SASH1: variants seen among roughly 807,000 people sequenced by gnomAD.
The protein encoded by SASH1 is SAM and SH3 domain containing 1, also known as SAM and SH3 domain-containing protein 1.
In SASH1, 44 loss-of-function variants were observed where a neutral mutation model predicts 125.2. That is an observed-to-expected ratio of 0.35 (90% CI 0.28 to 0.45). The LOEUF (loss-of-function observed/expected upper bound fraction) is 0.45, where lower values mean the gene tolerates loss of function less well. SASH1 is among the 20% of genes least tolerant of loss of function. SASH1 has a pLI of 1.00. For synonymous variants in SASH1, 639 were observed against 649.1 expected (o/e 0.98, Z 0.24); for missense variants, 1,426 against 1,614.5 (o/e 0.88, Z 2.00).
At chr6:148,518,057 T>C (rs1238189018) in intron 9 of SASH1, among the ~76,000 whole-genome samples, 1 of 152,040 alleles carries the variant, frequency 6.6e-6, no homozygotes, top group African/African-American at 2.4e-5. Flanking sequence ...AAGTGGAGGG[T>C]AGACTATAAC....
chr6:148,326,335 T>TATATATATATGC (rs1554235289), intron 1 of SASH1, among the ~76,000 whole-genome samples: 1 of 67,144 alleles, frequency 1.5e-5, no homozygotes, highest in African/African-American at 5.5e-5. Flanking sequence ...TATATATATA[T>TATATATATATGC]ATATATATAT....
chr6:148,298,014 A>AT (rs200681149), intron 1 of SASH1, among the ~76,000 whole-genome samples: 4,407 of 137,892 alleles, frequency 0.032, 100 homozygotes, highest in South Asian at 0.068. Context: ...TTATATATAT[A>AT]TTTTTTTTTT....
At chr6:148,405,820 T>C (rs376754057) in intron 2 of SASH1, among the ~76,000 whole-genome samples, 5 of 152,360 alleles carry the variant, frequency 3.3e-5, no homozygotes, top group South Asian at 2.1e-4. Context: ...ATAAGTTCTG[T>C]ACTTCTGTAT....
intron 1 of SASH1, among the ~76,000 whole-genome samples, chr6:148,298,455 C>A (rs1377895196): frequency 6.6e-6 from 1 of 152,004 alleles, no homozygotes; most frequent in Non-Finnish European, 1.5e-5. Flanking sequence ...CATGGCGAGA[C>A]CCTATCTCTA....
At chr6:148,354,917 C>T (rs543920678) in intron 1 of SASH1, among the ~76,000 whole-genome samples, 1 of 152,118 alleles carries the variant, frequency 6.6e-6, no homozygotes, top group Admixed American at 6.6e-5. Context: ...ATGCCACCAC[C>T]CCCATCTGAT....
intron 2 of SASH1, among the ~76,000 whole-genome samples, chr6:148,428,506 G>A (rs150869840): frequency 0.015 from 2,326 of 151,928 alleles, 60 homozygotes; most frequent in African/African-American, 0.053. Flanking sequence ...GTACACATCT[G>A]TAATCCCAGC....
At position 148,533,076 on chromosome 6, in the gene SASH1, A is replaced by T; in HGVS notation, c.1734+110A>T. ...TGGGCTACTATGGTACAGACTGGAC[A>T]GTATCTTGGCTACCTCGATCACTGG... On this transcript the variant is annotated intron_variant, in intron 14 of 19. Transcript: ENST00000367467. The surrounding 1 kb of genome is among the most constrained non-coding windows in gnomAD (Gnocchi z 6.2). 8.2e-7 allele frequency: 1 copy of T among 1,216,158 alleles called. No homozygotes were observed. Among genetic ancestry groups the T allele is most frequent in the Non-Finnish European group, 1.2e-6 (1 of 850,398 alleles). The allele number at this position is 1,216,158 out of a possible 1,614,324, so 75.3% of individuals were successfully genotyped here. A position where few individuals can be genotyped will look rare whatever the true frequency, so the allele number is the denominator to read the frequency against.
intron 8 of SASH1, chr6:148,513,537 T>C: frequency 4.1e-6 from 4 of 985,506 alleles, no homozygotes; most frequent in Non-Finnish European, 4.8e-6. Flanking sequence ...CCTGGGTCAC[T>C]GCTGCAGAGA....
chr6:148,409,582 AAG>A (rs1229756059), intron 2 of SASH1, among the ~76,000 whole-genome samples: 2 of 152,188 alleles, frequency 1.3e-5, no homozygotes, highest in African/African-American at 4.8e-5. Context: ...AGACAACAGA[AAG>A]AGATTTTCTT....
chr6:148,450,221 C>T (rs1008209108), intron 4 of SASH1, among the ~76,000 whole-genome samples: 19 of 152,186 alleles, frequency 1.2e-4, no homozygotes, highest in African/African-American at 4.1e-4. Context: ...TACACTCAGG[C>T]CACATCTCAT....
the SASH1 span, among the ~76,000 whole-genome samples, chr6:148,262,848 G>C: frequency 3.3e-5 from 5 of 152,160 alleles, no homozygotes; most frequent in Admixed American, 3.3e-4. Context: ...GCTCCAGCCT[G>C]GGTGACAAGA....
At chr6:148,421,167 AAGAAAGAAAGAAAGAAAG>A (rs1346932242) in intron 2 of SASH1, among the ~76,000 whole-genome samples, 1 of 125,616 alleles carries the variant, frequency 8.0e-6, no homozygotes, top group African/African-American at 2.9e-5. Context: ...GAAAGAAAGA[AAGAAAGAAAGAAAGAAAG>A]AAAGAAAGAA....
rs549750606 is a variant in SASH1 at position 148,440,354 on chromosome 6, G to C, written c.337-4G>C. Reference sequence around the variant, plus strand: ...ACACTGACTATACGAATCTTCTCTCGTAGGAGTCGCTTGGCTTCTGTAGCG... The same window carrying C: ...ACACTGACTATACGAATCTTCTCTCCTAGGAGTCGCTTGGCTTCTGTAGCG... On this transcript the variant is annotated splice_region_variant and splice_polypyrimidine_tract_variant and intron_variant, in intron 3 of 19. Coordinates refer to ENST00000367467, the MANE Select transcript of SASH1 (RefSeq NM_015278.5). The C allele has an allele frequency of 1.2e-6, 2 of 1,613,556 alleles. No homozygotes were observed. The highest frequency in any genetic ancestry group is 1.7e-6 in the Non-Finnish European group (2 of 1,179,824).
intron 8 of SASH1, among the ~76,000 whole-genome samples, chr6:148,490,063 AAATAATAATAAT>A (rs60004034): frequency 7.5e-6 from 1 of 132,704 alleles, no homozygotes; most frequent in Non-Finnish European, 1.7e-5. Flanking sequence ...CTTCTGCAAA[AAATAATAATAAT>A]AATAATAATA....
intron 7 of SASH1, among the ~76,000 whole-genome samples, chr6:148,483,253 G>A (rs920217622): frequency 1.3e-5 from 2 of 152,124 alleles, no homozygotes; most frequent in African/African-American, 4.8e-5. Flanking sequence ...AAGAGGGAGA[G>A]GGGAGGTGCC....
intron 1 of SASH1, among the ~76,000 whole-genome samples, chr6:148,387,598 TTCTTTCTTTCTTTC>T: frequency 7.6e-5 from 1 of 13,156 alleles, no homozygotes; most frequent in Non-Finnish European, 1.4e-4. Flanking sequence ...CTTTCTTTCT[TTCTTTCTTTCTTTC>T]TTTCTTTCTT....
intron 8 of SASH1, among the ~76,000 whole-genome samples, chr6:148,494,766 G>C (rs903057996): frequency 1.3e-5 from 2 of 152,194 alleles, no homozygotes; most frequent in African/African-American, 4.8e-5. Context: ...TCACTAATTT[G>C]GTTTGAGGTA....
chr6:148,458,983 TACACACACACACACACACAC>T (rs71004297), intron 4 of SASH1, among the ~76,000 whole-genome samples: 5 of 137,898 alleles, frequency 3.6e-5, no homozygotes, highest in South Asian at 2.4e-4. Flanking sequence ...AAAAAAAGTA[TACACACACACACACACACAC>T]ACACACACAC....
At chr6:148,221,721 C>T in the SASH1 span, among the ~76,000 whole-genome samples, 7 of 152,152 alleles carry the variant, frequency 4.6e-5, no homozygotes, top group Admixed American at 6.5e-5. Flanking sequence ...TGGTGAGCTG[C>T]GGTGGTTGTG....
Sources: gnomAD v4.1 joint callset for allele counts (sites outside exome capture counted in the v4.1 genomes callset) on GRCh38, gnomAD v4.1.1 for gene constraint, Gnocchi (gnomAD v3.1) non-coding constraint, MANE v1.5 for transcripts, NCBI Gene and HGNC (gene_info 2026-07-23, HGNC 2026-07-21) for gene names.